The following RASSF3 variants were observed in gnomAD, a reference collection of about 807,000 sequenced individuals.
The protein encoded by RASSF3 is Ras association domain family member 3, also known as ras association domain-containing protein 3.
RASSF3 carries 19 observed loss-of-function variants against 19.9 expected under a neutral mutation model. The ratio of observed to expected loss-of-function variants is 0.96; its 90% confidence interval spans 0.67 to 1.40. The LOEUF is 1.40. Ranked by LOEUF, RASSF3 falls within the 40% of genes most tolerant of loss-of-function variation. RASSF3 has a pLI of 0.00. For synonymous variants in RASSF3, 110 were observed against 104.2 expected, an observed-to-expected ratio of 1.06 and a Z score of -0.34; for missense variants, 306 against 289.8, an observed-to-expected ratio of 1.06 and a Z score of -0.41.
intron 1 of RASSF3, among the ~76,000 whole-genome samples, chr12:64,626,770 G>T (rs1239812450): frequency 6.6e-6 from 1 of 152,098 alleles, no homozygotes; most frequent in Non-Finnish European, 1.5e-5. Context: ...TTGCTGTGTT[G>T]CCCAGGCTGG....
chr12:64,641,419 C>CACACACACACACACACAG (rs769330728), intron 1 of RASSF3, among the ~76,000 whole-genome samples: 4 of 150,664 alleles, frequency 2.7e-5, no homozygotes, highest in Non-Finnish European at 5.9e-5. Context: ...CACACACGCG[C>CACACACACACACACACAG]GCGCGCGCGT....
chr12:64,538,797 A>G (rs775424496), intron 1 of RASSF3, among the ~76,000 whole-genome samples: 2 of 152,152 alleles, frequency 1.3e-5, no homozygotes, highest in Admixed American at 6.5e-5. Context: ...TAATCCTAGC[A>G]CTTTGGGAGG....
intron 2 of RASSF3, among the ~76,000 whole-genome samples, chr12:64,604,545 C>T (rs993885785): frequency 6.6e-6 from 1 of 152,074 alleles, no homozygotes; most frequent in Non-Finnish European, 1.5e-5. Flanking sequence ...TAGTTGCAGC[C>T]AATAGGCACT....
intron 2 of RASSF3, among the ~76,000 whole-genome samples, chr12:64,553,675 T>C (rs920322427): frequency 1.3e-5 from 2 of 152,148 alleles, no homozygotes; most frequent in Non-Finnish European, 2.9e-5. Context: ...GGGAAGTTTC[T>C]TAATTTAAGA....
chr12:64,651,961 C>G (rs371447555), intron 1 of RASSF3, among the ~76,000 whole-genome samples: 3 of 152,200 alleles, frequency 2.0e-5, no homozygotes, highest in South Asian at 4.1e-4. Flanking sequence ...TCGCCCAGCT[C>G]CATTTAATGT....
chr12:64,507,366 G>A (rs924573330), intron 1 of RASSF3: 5 of 380,666 alleles, frequency 1.3e-5, no homozygotes, highest in East Asian at 3.7e-5. Flanking sequence ...TTTCAAATCC[G>A]TTTTTTTGTG....
chr12:64,681,349 G>A (rs898935944), intron 1 of RASSF3, among the ~76,000 whole-genome samples: 5 of 152,146 alleles, frequency 3.3e-5, no homozygotes, highest in Admixed American at 6.6e-5. Context: ...ATCAGCCTAG[G>A]CCAGGAAGCA....
At chr12:64,575,231 A>G (rs1869576628) in intron 2 of RASSF3, among the ~76,000 whole-genome samples, 1 of 152,258 alleles carries the variant, frequency 6.6e-6, no homozygotes, top group South Asian at 2.1e-4. Flanking sequence ...TATACCAGTA[A>G]CAAAAATAAT....
chr12:64,615,099 G>A (rs1474957456), intron 1 of RASSF3, among the ~76,000 whole-genome samples: 3 of 152,190 alleles, frequency 2.0e-5, no homozygotes, highest in Non-Finnish European at 2.9e-5. Flanking sequence ...GTGTTTCAAA[G>A]GATCCACCTA....
At chr12:64,565,538 C>T (rs1371897561) in intron 2 of RASSF3, among the ~76,000 whole-genome samples, 1 of 152,102 alleles carries the variant, frequency 6.6e-6, no homozygotes, top group Non-Finnish European at 1.5e-5. Context: ...CATGGCGAAA[C>T]CCCGTCTCTA....
Position 64,572,724 on chromosome 12 carries a change from G to A in RASSF3, c.294+31019G>A, listed in dbSNP as rs141620391. Among the ~76,000 whole-genome samples the A allele has an allele frequency of 2.5e-3, 377 of 152,256 alleles. 1 individual carries two copies. Among genetic ancestry groups the A allele is most frequent in the African/African-American group, 8.8e-3 (364 of 41,552 alleles). On this transcript the variant is annotated intron_variant, in intron 2 of 5. Transcript: ENST00000637125. ...AGAAATCACAGAAAGTAAGTCTAGT[G>A]TCTTTACTTAATAGATGAAGAAACA...
intron 1 of RASSF3, among the ~76,000 whole-genome samples, chr12:64,636,386 T>A (rs1871331541): frequency 6.6e-6 from 1 of 151,978 alleles, no homozygotes; most frequent in African/African-American, 2.4e-5. Flanking sequence ...ATTGCTGGGA[T>A]TACAGGCATG....
chr12:64,690,019 G>T (rs1868258908), intron 3 of RASSF3, among the ~76,000 whole-genome samples: 1 of 151,980 alleles, frequency 6.6e-6, no homozygotes, highest in East Asian at 1.9e-4. Context: ...TCGATCTCCT[G>T]ACCTTGTGAT....
chr12:64,594,376 A>T (rs1592411618), intron 2 of RASSF3, among the ~76,000 whole-genome samples: 1 of 152,114 alleles, frequency 6.6e-6, no homozygotes, highest in East Asian at 1.9e-4. Flanking sequence ...GTAGCCTAGT[A>T]CTTTCAAACC....
intron 1 of RASSF3, among the ~76,000 whole-genome samples, chr12:64,638,422 TACAA>T (rs1320412736): frequency 3.3e-5 from 5 of 151,672 alleles, no homozygotes; most frequent in Non-Finnish European, 7.4e-5. Context: ...CTACTAAAAA[TACAA>T]ACAATTAGCT....
chr12:64,649,648 C>T (rs890910663), intron 1 of RASSF3, among the ~76,000 whole-genome samples: 11 of 152,204 alleles, frequency 7.2e-5, no homozygotes, highest in African/African-American at 1.9e-4. Context: ...CATGCCGTCT[C>T]GATAGCCAAG....
At chr12:64,604,012 T>C (rs1281878364) in intron 2 of RASSF3, among the ~76,000 whole-genome samples, 3 of 151,946 alleles carry the variant, frequency 2.0e-5, no homozygotes, top group African/African-American at 7.3e-5. Context: ...CACGCCCAGC[T>C]CATTTTTGTA....
chr12:64,627,683 A>G (rs1871040494), intron 1 of RASSF3, among the ~76,000 whole-genome samples: 1 of 152,200 alleles, frequency 6.6e-6, no homozygotes, highest in African/African-American at 2.4e-5. Flanking sequence ...TTTTGGTTTC[A>G]GAGGGAGTAA....
chr12:64,632,940 A>AT, intron 1 of RASSF3, among the ~76,000 whole-genome samples: 1 of 152,238 alleles, frequency 6.6e-6, no homozygotes, highest in East Asian at 1.9e-4. Flanking sequence ...TTAGAAAAAA[A>AT]GTCTTTGAAG....
Sources: allele counts gnomAD v4.1 joint callset (sites outside exome capture counted in the v4.1 genomes callset), GRCh38; gene constraint gnomAD v4.1.1; transcripts MANE v1.5; gene names NCBI Gene and HGNC (gene_info 2026-07-23, HGNC 2026-07-21).